Variants in CLEC16A observed in about 807,000 individuals in gnomAD.
CLEC16A encodes the protein C-type lectin domain containing 16A, also known as protein CLEC16A.
CLEC16A carries 51 observed loss-of-function variants against 109.5 expected under a neutral mutation model. That is an observed-to-expected ratio of 0.47 (90% CI 0.37 to 0.59). The LOEUF (loss-of-function observed/expected upper bound fraction) is 0.59, where lower values mean the gene tolerates loss of function less well. Among genes scored for constraint, CLEC16A ranks in the 20% least tolerant of loss-of-function variants. CLEC16A has a pLI of 0.00. For missense variants in CLEC16A, 1,339 were observed against 1,394.0 expected (o/e 0.96, Z 0.63); for synonymous variants, 673 against 564.2 (o/e 1.19, Z -2.73).
intron 19 of CLEC16A, among the ~76,000 whole-genome samples, chr16:11,063,277 C>CTT (rs56409015): frequency 1.9e-3 from 149 of 79,074 alleles, no homozygotes; most frequent in African/African-American, 6.1e-3. Context: ...TTCTTCTTTC[C>CTT]TTTTTTTTTT....
At chr16:10,971,648 C>A in intron 5 of CLEC16A, 3 of 431,074 alleles carry the variant, frequency 7.0e-6, no homozygotes, top group Non-Finnish European at 9.3e-6. Flanking sequence ...TTGTGAACAG[C>A]AGGGGGCAAT....
chr16:11,053,768 G>A (rs1418069928), intron 18 of CLEC16A, among the ~76,000 whole-genome samples: 4 of 152,258 alleles, frequency 2.6e-5, no homozygotes, highest in South Asian at 2.1e-4. Flanking sequence ...AGGCAATGTG[G>A]CCCCCAGAAC....
At chr16:11,175,332 G>A (rs1305159009) in intron 23 of CLEC16A, among the ~76,000 whole-genome samples, 1 of 152,074 alleles carries the variant, frequency 6.6e-6, no homozygotes, top group African/African-American at 2.4e-5. Flanking sequence ...TTACCCCCTC[G>A]GCTCTGTCTC....
At chr16:11,052,107 C>T (rs973243874) in intron 18 of CLEC16A, among the ~76,000 whole-genome samples, 1 of 152,170 alleles carries the variant, frequency 6.6e-6, no homozygotes, top group African/African-American at 2.4e-5. Flanking sequence ...GCCTGCAGGA[C>T]AGATATGTGT....
intron 21 of CLEC16A, 50 bp from the exon 22 acceptor site, chr16:11,125,926 ACCC>A: frequency 4.1e-6 from 1 of 244,420 alleles, no homozygotes; most frequent in Non-Finnish European, 6.4e-6. Flanking sequence ...AATTCTCACC[ACCC>A]CCCTCTATCC....
intron 19 of CLEC16A, among the ~76,000 whole-genome samples, chr16:11,088,995 T>C (rs112848569): frequency 1.8e-3 from 281 of 152,016 alleles, no homozygotes; most frequent in African/African-American, 6.4e-3. Context: ...GTACCCCCTT[T>C]CCCCCCAGGC....
intron 22 of CLEC16A, among the ~76,000 whole-genome samples, chr16:11,150,493 A>C (rs933875379): frequency 1.3e-5 from 2 of 152,194 alleles, no homozygotes; most frequent in African/African-American, 4.8e-5. Context: ...GCAGCGTTGC[A>C]GTGGGCATCC....
chr16:11,092,839 C>G (rs1215534627), intron 19 of CLEC16A, among the ~76,000 whole-genome samples: 1 of 152,154 alleles, frequency 6.6e-6, no homozygotes, highest in Non-Finnish European at 1.5e-5. Flanking sequence ...ACACGGTGGT[C>G]GTGACAATTA....
chr16:10,947,207 G>T (rs933752567), intron 1 of CLEC16A, among the ~76,000 whole-genome samples: 1 of 152,194 alleles, frequency 6.6e-6, no homozygotes, highest in Non-Finnish European at 1.5e-5. Context: ...TTGGTGGGGG[G>T]GTTAGAAGAT....
At chr16:11,083,348 G>C (rs547528892) in intron 19 of CLEC16A, among the ~76,000 whole-genome samples, 173 of 152,256 alleles carry the variant, frequency 1.1e-3, no homozygotes, top group African/African-American at 3.9e-3. Flanking sequence ...ATTTTTTGTA[G>C]AGACAGTATT....
At chr16:10,972,459 G>C (rs1185058402) in intron 5 of CLEC16A, 95 bp from the exon 6 acceptor site, 1 of 1,104,606 alleles carries the variant, frequency 9.1e-7, no homozygotes, top group Admixed American at 1.9e-5. Flanking sequence ...CTCTCCCTCT[G>C]AGCAGCTCTC....
chr16:11,007,290 G>C (rs1260455744), intron 11 of CLEC16A, among the ~76,000 whole-genome samples: 1 of 149,880 alleles, frequency 6.7e-6, no homozygotes, highest in Non-Finnish European at 1.5e-5. Flanking sequence ...AGGGTACCTG[G>C]GAGTTTAGAG....
chr16:11,165,838 G>T (rs74753010), intron 22 of CLEC16A, among the ~76,000 whole-genome samples: 1,921 of 152,264 alleles, frequency 0.013, 49 homozygotes, highest in African/African-American at 0.044. Flanking sequence ...TCTTTGCCAG[G>T]GCTTTCGTTG....
chr16:11,099,359 A>C (rs183330606), intron 19 of CLEC16A, among the ~76,000 whole-genome samples: 59 of 152,378 alleles, frequency 3.9e-4, no homozygotes, highest in Admixed American at 7.8e-4. Context: ...AATGAAAATT[A>C]AGGTTAAATA....
At chr16:11,123,707 A>T in intron 20 of CLEC16A, 35 bp from the exon 21 acceptor site, 1 of 1,610,040 alleles carries the variant, frequency 6.2e-7, no homozygotes, top group Non-Finnish European at 8.5e-7. Flanking sequence ...TCCCAAACCC[A>T]ACGAATGCCT....
rs201452716 is a variant in CLEC16A at position 10,979,321 on chromosome 16, T to C, written c.904-8T>C. ...TCTCTCTCTCTCTCTCCTGCCACCC[T>C]GCACTAGGGAGGAGAACGGCCGAAA... On this transcript the variant is annotated splice_polypyrimidine_tract_variant and splice_region_variant and intron_variant, in intron 8 of 23. Coordinates refer to ENST00000409790, the MANE Select transcript of CLEC16A (RefSeq NM_015226.3). 1.2e-6 allele frequency: 2 copies of C among 1,611,164 alleles called. No individual in the cohort carries two copies. The highest frequency in any genetic ancestry group is 1.7e-6 in the Non-Finnish European group (2 of 1,178,724).
At chr16:11,035,384 C>A (rs932367326) in intron 13 of CLEC16A, among the ~76,000 whole-genome samples, 13 of 152,266 alleles carry the variant, frequency 8.5e-5, no homozygotes, top group African/African-American at 2.6e-4. Context: ...AAAATTAATT[C>A]AGCAAAAATG....
intron 19 of CLEC16A, among the ~76,000 whole-genome samples, chr16:11,118,488 C>G (rs1439966531): frequency 6.6e-6 from 1 of 152,110 alleles, no homozygotes; most frequent in African/African-American, 2.4e-5. Context: ...ATTGTCATAC[C>G]CTGAGTTGAG....
intron 10 of CLEC16A, among the ~76,000 whole-genome samples, chr16:10,987,119 G>A (rs961045931): frequency 2.0e-5 from 3 of 151,688 alleles, no homozygotes; most frequent in African/African-American, 7.3e-5. Context: ...GCCTCCCAAT[G>A]TGCTGGGATT....
Sources: allele counts gnomAD v4.1 joint callset (sites outside exome capture counted in the v4.1 genomes callset), GRCh38; gene constraint gnomAD v4.1.1; transcripts MANE v1.5; gene names NCBI Gene and HGNC (gene_info 2026-07-23, HGNC 2026-07-21).